Variants in EPHA6 observed in about 807,000 individuals in gnomAD.
EPHA6 encodes ephrin type-A receptor 6.
Under a neutral mutation model 112.0 loss-of-function variants are expected in EPHA6, and 50 were observed. The observed-to-expected ratio is 0.45, with a 90% CI of 0.36 to 0.56. EPHA6 has a LOEUF of 0.56. EPHA6 is among the 20% of genes least tolerant of loss of function. The pLI is 0.00. For synonymous variants in EPHA6, 529 were observed against 490.7 expected, an observed-to-expected ratio of 1.08 and a Z score of -1.03; for missense variants, 1,280 against 1,417.4, an observed-to-expected ratio of 0.90 and a Z score of 1.56.
intron 2 of EPHA6, among the ~76,000 whole-genome samples, chr3:96,961,042 G>A (rs2041932887): frequency 6.6e-6 from 1 of 152,202 alleles, no homozygotes; most frequent in African/African-American, 2.4e-5. Context: ...AACTTGTATA[G>A]CTGGATTAAA....
At chr3:97,579,412 T>C (rs988440590) in intron 11 of EPHA6, among the ~76,000 whole-genome samples, 2 of 152,238 alleles carry the variant, frequency 1.3e-5, no homozygotes, top group African/African-American at 4.8e-5. Flanking sequence ...ATGATTGAGA[T>C]TGAGCCAACT....
At chr3:97,746,145 A>T (rs1225874141) in intron 16 of EPHA6, among the ~76,000 whole-genome samples, 2 of 151,912 alleles carry the variant, frequency 1.3e-5, no homozygotes, top group Non-Finnish European at 2.9e-5. Context: ...ATAAAACTTA[A>T]AAAACAAAGT....
intron 14 of EPHA6, among the ~76,000 whole-genome samples, chr3:97,642,037 C>T (rs913222182): frequency 6.8e-6 from 1 of 148,046 alleles, no homozygotes; most frequent in Non-Finnish European, 1.5e-5. Flanking sequence ...CTTAAATGTC[C>T]CTGTCTGACA....
intron 14 of EPHA6, among the ~76,000 whole-genome samples, chr3:97,668,945 T>A (rs1451795873): frequency 9.1e-3 from 306 of 33,742 alleles, no homozygotes; most frequent in Middle Eastern, 0.026. Flanking sequence ...AAAAAAAAAA[T>A]CCACTAAGTC....
chr3:96,937,381 G>GT (rs1559847572), intron 2 of EPHA6, among the ~76,000 whole-genome samples: 4 of 152,074 alleles, frequency 2.6e-5, no homozygotes, highest in Admixed American at 2.0e-4. Flanking sequence ...TTTTTCATGT[G>GT]TTTTTTGGCT....
intron 2 of EPHA6, among the ~76,000 whole-genome samples, chr3:96,972,093 C>G (rs2107786521): frequency 6.6e-6 from 1 of 152,022 alleles, no homozygotes; most frequent in African/African-American, 2.4e-5. Flanking sequence ...AATCATCTAC[C>G]AGTGTAATGC....
chr3:97,543,376 C>G lies in EPHA6; in HGVS notation c.2386+10833C>G, dbSNP rs532165182. On this transcript the variant is annotated intron_variant, in intron 11 of 17. Transcript: ENST00000389672. Reference sequence around the variant, plus strand: ...AATCCTTTCCCCATTGCTTGTTTTTCTCAGGTTTGTCAAAGATCAGATAGC... The same window carrying G: ...AATCCTTTCCCCATTGCTTGTTTTTGTCAGGTTTGTCAAAGATCAGATAGC... 6.6e-5 allele frequency among the ~76,000 whole-genome samples: 10 copies of G among 152,102 alleles called. No individual in the cohort carries two copies. In the South Asian group the frequency reaches 1.9e-3, roughly 28 times the overall value.
chr3:96,897,279 C>T (rs1043169306), intron 2 of EPHA6, among the ~76,000 whole-genome samples: 1 of 151,844 alleles, frequency 6.6e-6, no homozygotes, highest in Non-Finnish European at 1.5e-5. Flanking sequence ...ATATAGTGAT[C>T]TTGCCATGTG....
chr3:97,753,314 G>A lies in EPHA6; in HGVS notation c.*4613G>A, dbSNP rs955272666. Among the ~76,000 whole-genome samples the A allele has an allele frequency of 5.3e-5, 8 of 152,030 alleles. No individual in the cohort carries two copies. In the East Asian group the frequency reaches 9.6e-4, roughly 18 times the overall value. Reference sequence around the variant, plus strand: ...TGTTTGCTATGGTTGCCATGTCACCGGGGGATAGCACTTTCCATAGAATAT... The same window carrying A: ...TGTTTGCTATGGTTGCCATGTCACCAGGGGATAGCACTTTCCATAGAATAT... On this transcript the variant is annotated 3_prime_UTR_variant, in exon 18 of 18. Transcript: ENST00000389672.
At chr3:97,582,665 A>C (rs1467205070) in intron 11 of EPHA6, among the ~76,000 whole-genome samples, 2 of 152,120 alleles carry the variant, frequency 1.3e-5, no homozygotes, top group Admixed American at 6.6e-5. Flanking sequence ...CAATTGTTTC[A>C]AGACTGATTG....
intron 14 of EPHA6, among the ~76,000 whole-genome samples, chr3:97,683,060 T>G (rs1364942164): frequency 1.3e-5 from 2 of 152,208 alleles, no homozygotes; most frequent in Non-Finnish European, 1.5e-5. Context: ...ATATCATTTT[T>G]ATTGTATGTA....
chr3:96,843,876 A>T (rs2034907106), intron 1 of EPHA6, among the ~76,000 whole-genome samples: 1 of 152,016 alleles, frequency 6.6e-6, no homozygotes, highest in South Asian at 2.1e-4. Flanking sequence ...TCTAACTTGT[A>T]CTTTTTATTA....
At position 96,814,914 on chromosome 3, in the gene EPHA6, C is replaced by G; in HGVS notation, c.291C>G (p.Gly97=). Residue 97 remains glycine, a synonymous_variant, in exon 1 of 18, where the codon GGC becomes GGG. Coordinates refer to ENST00000389672, the MANE Select transcript of EPHA6 (RefSeq NM_001080448.3). ...RKREPRRTMG[G]CEVREFLLQF... ...GAGAGCCTAGGAGAACCATGGGGGG[C>G]TGCGAAGTCCGGGAATTTCTTTTGC... 2 of 1,552,374 alleles carry G rather than the reference C, an allele frequency of 1.3e-6. No homozygotes were observed. The highest frequency in any genetic ancestry group is 1.7e-6 in the Non-Finnish European group (2 of 1,147,218).
chr3:97,214,359 G>A (rs2077971244), intron 3 of EPHA6, among the ~76,000 whole-genome samples: 1 of 151,584 alleles, frequency 6.6e-6, no homozygotes, highest in Non-Finnish European at 1.5e-5. Context: ...CTTTACAGTA[G>A]CCATCCTCTG....
At chr3:97,518,409 G>C (rs1006501289) in intron 10 of EPHA6, among the ~76,000 whole-genome samples, 3 of 151,552 alleles carry the variant, frequency 2.0e-5, no homozygotes, top group African/African-American at 7.3e-5. Flanking sequence ...ATTGTAAATA[G>C]TGCTGCAATA....
chr3:97,669,474 A>G (rs1272408774), intron 14 of EPHA6, among the ~76,000 whole-genome samples: 1 of 151,944 alleles, frequency 6.6e-6, no homozygotes, highest in East Asian at 1.9e-4. Flanking sequence ...CATTTTTAAA[A>G]ATGCAGACCA....
At chr3:97,081,744 T>G (rs1169447284) in intron 3 of EPHA6, among the ~76,000 whole-genome samples, 2 of 151,614 alleles carry the variant, frequency 1.3e-5, no homozygotes, top group Non-Finnish European at 3.0e-5. Context: ...TGTCCAAATA[T>G]GAGATTATCA....
At chr3:97,321,601 G>T (rs2082122848) in intron 5 of EPHA6, among the ~76,000 whole-genome samples, 1 of 151,776 alleles carries the variant, frequency 6.6e-6, no homozygotes, top group South Asian at 2.1e-4. Context: ...AACCCCCAAT[G>T]GGTCTGTGAC....
intron 3 of EPHA6, among the ~76,000 whole-genome samples, chr3:97,083,068 G>A (rs1395451370): frequency 6.6e-6 from 1 of 151,884 alleles, no homozygotes; most frequent in African/African-American, 2.4e-5. Flanking sequence ...TACCATGAGA[G>A]CAAATTATGT....
Sources: gnomAD v4.1 joint callset for allele counts (sites outside exome capture counted in the v4.1 genomes callset) on GRCh38, gnomAD v4.1.1 for gene constraint, MANE v1.5 for transcripts, NCBI Gene and HGNC (gene_info 2026-07-23, HGNC 2026-07-21) for gene names.